The following RBM47 variants were observed in gnomAD, a reference collection of about 807,000 sequenced individuals.
RBM47 encodes the protein RNA binding motif protein 47, also known as RNA-binding protein 47.
Under a neutral mutation model 47.1 loss-of-function variants are expected in RBM47, and 21 were observed. The ratio of observed to expected loss-of-function variants is 0.45; its 90% CI spans 0.32 to 0.64. RBM47 has a LOEUF of 0.64. RBM47 is among the 30% of genes least tolerant of loss of function. The pLI is 0.05. For synonymous variants in RBM47, 375 were observed against 361.7 expected, an observed-to-expected ratio of 1.04 and a Z score of -0.42; for missense variants, 708 against 870.9, an observed-to-expected ratio of 0.81 and a Z score of 2.35.
chr4:40,618,296 T>C (rs1009831224), intron 1 of RBM47, among the ~76,000 whole-genome samples: 1 of 151,968 alleles, frequency 6.6e-6, no homozygotes, highest in Non-Finnish European at 1.5e-5. Flanking sequence ...AGGCATGTGA[T>C]GTGCCTGTAG....
chr4:40,617,830 C>T (rs1010057607), intron 1 of RBM47, among the ~76,000 whole-genome samples: 1 of 150,618 alleles, frequency 6.6e-6, no homozygotes, highest in Non-Finnish European at 1.5e-5. Context: ...TTCCTATACA[C>T]CCTAGATACT....
At chr4:40,467,668 T>G (rs1718261275) in intron 2 of RBM47, among the ~76,000 whole-genome samples, 1 of 152,118 alleles carries the variant, frequency 6.6e-6, no homozygotes, top group Non-Finnish European at 1.5e-5. Context: ...AGAATAATCT[T>G]TAATAAGTAA....
At chr4:40,532,981 A>T (rs1442899664) in intron 2 of RBM47, among the ~76,000 whole-genome samples, 2 of 152,162 alleles carry the variant, frequency 1.3e-5, no homozygotes, top group Non-Finnish European at 2.9e-5. Flanking sequence ...ATGGGACAGG[A>T]TATGAATGGG....
intron 2 of RBM47, among the ~76,000 whole-genome samples, chr4:40,488,575 A>C (rs1451574893): frequency 1.3e-5 from 2 of 152,202 alleles, no homozygotes; most frequent in African/African-American, 4.8e-5. Context: ...CTCATTTGGA[A>C]ATAACATCCT....
intron 1 of RBM47, among the ~76,000 whole-genome samples, chr4:40,593,526 G>C (rs28465356): frequency 0.23 from 34,599 of 151,842 alleles, 4,091 homozygotes; most frequent in Admixed American, 0.27. Flanking sequence ...ACCTGAGGTC[G>C]GAAGTTAAAG....
chr4:40,605,347 T>G (rs1735669174), intron 1 of RBM47, among the ~76,000 whole-genome samples: 2 of 152,044 alleles, frequency 1.3e-5, no homozygotes. Context: ...CTTACAAAAG[T>G]GCATGAGCCA....
At chr4:40,622,792 G>C (rs1187460419) in intron 1 of RBM47, among the ~76,000 whole-genome samples, 1 of 152,218 alleles carries the variant, frequency 6.6e-6, no homozygotes, top group African/African-American at 2.4e-5. Flanking sequence ...TGAGGCAGGA[G>C]AATCACTGGA....
intron 2 of RBM47, among the ~76,000 whole-genome samples, chr4:40,532,608 G>A (rs974414963): frequency 9.9e-5 from 15 of 151,536 alleles, no homozygotes; most frequent in African/African-American, 3.6e-4. Flanking sequence ...ACCATGCCTG[G>A]CCTTTTTAAA....
At chr4:40,516,805 G>C (rs889583690) in intron 2 of RBM47, among the ~76,000 whole-genome samples, 3 of 152,102 alleles carry the variant, frequency 2.0e-5, no homozygotes, top group South Asian at 4.1e-4. Flanking sequence ...GCCCCACCTG[G>C]TCTAACCTGC....
chr4:40,482,038 T>C (rs1350809635), intron 2 of RBM47, among the ~76,000 whole-genome samples: 1 of 152,232 alleles, frequency 6.6e-6, no homozygotes, highest in Non-Finnish European at 1.5e-5. Context: ...CTGGCCATGA[T>C]GTGATTTCTA....
chr4:40,511,046 C>T (rs1239333905), intron 2 of RBM47, among the ~76,000 whole-genome samples: 2 of 152,196 alleles, frequency 1.3e-5, no homozygotes, highest in African/African-American at 4.8e-5. Flanking sequence ...TTCATTATCA[C>T]TGGGCTAACC....
At chr4:40,606,306 T>A (rs565668127) in intron 1 of RBM47, among the ~76,000 whole-genome samples, 48 of 152,060 alleles carry the variant, frequency 3.2e-4, no homozygotes, top group African/African-American at 1.0e-3. Context: ...AAATGATTGT[T>A]ACCGAGAAAC....
intron 1 of RBM47, among the ~76,000 whole-genome samples, chr4:40,602,516 C>T (rs181918753): frequency 0.016 from 2,478 of 151,864 alleles, 25 homozygotes; most frequent in Non-Finnish European, 0.027. Context: ...GGCATGGTGG[C>T]GCACGCCTGT....
At chr4:40,534,360 G>A (rs1285428124) in intron 2 of RBM47, among the ~76,000 whole-genome samples, 4 of 152,172 alleles carry the variant, frequency 2.6e-5, no homozygotes, top group African/African-American at 7.2e-5. Flanking sequence ...GAGCAGCTGG[G>A]ATCCACACTG....
At chr4:40,601,255 T>C (rs899420680) in intron 1 of RBM47, among the ~76,000 whole-genome samples, 7 of 152,162 alleles carry the variant, frequency 4.6e-5, no homozygotes, top group Non-Finnish European at 8.8e-5. Context: ...AACTGTAAAA[T>C]AGAGACACTG....
chr4:40,622,440 G>T (rs1434981208), intron 1 of RBM47, among the ~76,000 whole-genome samples: 2 of 152,230 alleles, frequency 1.3e-5, no homozygotes, highest in Non-Finnish European at 2.9e-5. Flanking sequence ...TGTGGTTAAA[G>T]CAGAGGAAGT....
chr4:40,540,634 G>A (rs1237680418), intron 2 of RBM47, among the ~76,000 whole-genome samples: 3 of 114,910 alleles, frequency 2.6e-5, no homozygotes, highest in African/African-American at 1.4e-4. Flanking sequence ...GTGAAACTCT[G>A]TCTCAAAAAA....
At chr4:40,565,373 G>A (rs1239696224) in intron 1 of RBM47, among the ~76,000 whole-genome samples, 1 of 152,098 alleles carries the variant, frequency 6.6e-6, no homozygotes, top group African/African-American at 2.4e-5. Context: ...GCCTCTGCTG[G>A]GCTGGATATT....
At chr4:40,589,003 T>C (rs1356782038) in intron 1 of RBM47, among the ~76,000 whole-genome samples, 2 of 140,900 alleles carry the variant, frequency 1.4e-5, no homozygotes, top group Non-Finnish European at 3.0e-5. Context: ...TTTTTTTTTT[T>C]TTTTTTTTTT....
Sources: allele counts gnomAD v4.1 joint callset (sites outside exome capture counted in the v4.1 genomes callset), GRCh38; gene constraint gnomAD v4.1.1; transcripts MANE v1.5; gene names NCBI Gene and HGNC (gene_info 2026-07-23, HGNC 2026-07-21).